The following LRRIQ1 variants were observed in gnomAD, a reference collection of about 807,000 sequenced individuals.
LRRIQ1 encodes the protein leucine-rich repeat- and IQ domain-containing protein 1.
In LRRIQ1, 210 loss-of-function variants were observed where a neutral mutation model predicts 211.9. The observed-to-expected ratio is 0.99, with a 90% CI of 0.89 to 1.11. The LOEUF is 1.11. Ranked by LOEUF, LRRIQ1 falls within the 50% of genes most tolerant of loss-of-function variation. The pLI is 0.00. For synonymous variants in LRRIQ1, 699 were observed against 650.1 expected, an observed-to-expected ratio of 1.08 and a Z score of -1.14; for missense variants, 2,136 against 1,939.5, an observed-to-expected ratio of 1.10 and a Z score of -1.90.
chr12:85,142,576 G>A (rs1889615683), intron 19 of LRRIQ1, among the ~76,000 whole-genome samples: 1 of 151,380 alleles, frequency 6.6e-6, no homozygotes, highest in South Asian at 2.1e-4. Context: ...CTCTCTAAGT[G>A]AAATTTTGTA....
chr12:85,221,300 C>G (rs1592990090), intron 24 of LRRIQ1, among the ~76,000 whole-genome samples: 1 of 152,110 alleles, frequency 6.6e-6, no homozygotes, highest in South Asian at 2.1e-4. Context: ...TCTCAGGGTA[C>G]TGAGACAACA....
Position 85,147,804 on chromosome 12 carries a change from C to A in LRRIQ1, c.4330-4476C>A, listed in dbSNP as rs972087715. 2.0e-5 allele frequency among the ~76,000 whole-genome samples: 3 copies of A among 151,132 alleles called. No homozygotes were observed. In the South Asian group the frequency reaches 6.2e-4, roughly 31 times the overall value. On this transcript the variant is annotated intron_variant, in intron 19 of 26. Coordinates refer to ENST00000393217, the MANE Select transcript of LRRIQ1 (RefSeq NM_001079910.2). ...CAAGTGAAACCTTTTGGGACCTTCT[C>A]ACCTTGTTGGTCATTGAATTCAAGT...
intron 11 of LRRIQ1, among the ~76,000 whole-genome samples, chr12:85,092,660 A>G (rs1358838946): frequency 1.3e-5 from 2 of 152,202 alleles, no homozygotes; most frequent in Non-Finnish European, 2.9e-5. Flanking sequence ...TGGCTATACA[A>G]TGAACCCATG....
chr12:85,102,959 A>AAAAATATAT (rs1458673370), intron 13 of LRRIQ1, among the ~76,000 whole-genome samples: 13 of 108,498 alleles, frequency 1.2e-4, no homozygotes, highest in African/African-American at 5.0e-4. Flanking sequence ...AAAAAAAAAA[A>AAAAATATAT]ATATATATAT....
chr12:85,122,439 T>C (rs1888053877), intron 16 of LRRIQ1, among the ~76,000 whole-genome samples: 1 of 152,106 alleles, frequency 6.6e-6, no homozygotes, highest in Non-Finnish European at 1.5e-5. Flanking sequence ...AACTTCCTAT[T>C]CCCCACCTCG....
intron 24 of LRRIQ1, among the ~76,000 whole-genome samples, chr12:85,163,455 A>T (rs548869288): frequency 8.5e-5 from 13 of 152,320 alleles, no homozygotes; most frequent in African/African-American, 3.1e-4. Context: ...ACACTGTCTT[A>T]TAATTTCCTT....
chr12:85,173,974 C>A (rs1038618643), intron 24 of LRRIQ1, among the ~76,000 whole-genome samples: 2 of 152,074 alleles, frequency 1.3e-5, no homozygotes, highest in Non-Finnish European at 2.9e-5. Flanking sequence ...TCATGTAAGT[C>A]ACCTTTAGGT....
At chr12:85,198,573 A>T (rs1323550359) in intron 24 of LRRIQ1, among the ~76,000 whole-genome samples, 22 of 147,116 alleles carry the variant, frequency 1.5e-4, no homozygotes, top group Admixed American at 1.4e-4. Flanking sequence ...CATGTTAAGC[A>T]TTTTTTTTTT....
At chr12:85,161,255 A>T (rs924844812) in intron 24 of LRRIQ1, among the ~76,000 whole-genome samples, 2 of 152,136 alleles carry the variant, frequency 1.3e-5, no homozygotes, top group African/African-American at 2.4e-5. Flanking sequence ...ATGAACTTAA[A>T]TTATTAAACA....
At chr12:85,158,508 T>C (rs1327344019) in intron 23 of LRRIQ1, among the ~76,000 whole-genome samples, 1 of 151,956 alleles carries the variant, frequency 6.6e-6, no homozygotes, top group African/African-American at 2.4e-5. Context: ...ATTAGAATTA[T>C]AGAAGTTGAA....
intron 24 of LRRIQ1, among the ~76,000 whole-genome samples, chr12:85,219,166 A>T (rs1347791571): frequency 2.0e-5 from 3 of 152,096 alleles, no homozygotes; most frequent in African/African-American, 2.4e-5. Context: ...TTCTCTGGAA[A>T]GAAACCAAAG....
chr12:85,151,082 G>A (rs892212499), intron 19 of LRRIQ1, among the ~76,000 whole-genome samples: 1 of 150,924 alleles, frequency 6.6e-6, no homozygotes, highest in African/African-American at 2.4e-5. Context: ...TCATATAACT[G>A]ACAAATAGCA....
chr12:85,087,785 G>A (rs1884980222), intron 11 of LRRIQ1, among the ~76,000 whole-genome samples: 1 of 152,086 alleles, frequency 6.6e-6, no homozygotes, highest in African/African-American at 2.4e-5. Flanking sequence ...ACTTTTTGAT[G>A]GAGTTGTTTG....
chr12:85,183,696 A>T (rs1892096858), intron 24 of LRRIQ1, among the ~76,000 whole-genome samples: 1 of 152,156 alleles, frequency 6.6e-6, no homozygotes, highest in African/African-American at 2.4e-5. Context: ...TTTAGAAGAA[A>T]CATAGCATAA....
intron 1 of LRRIQ1, among the ~76,000 whole-genome samples, chr12:85,037,950 G>A (rs931138570): frequency 2.9e-4 from 44 of 151,744 alleles, no homozygotes; most frequent in African/African-American, 9.6e-4. Flanking sequence ...GAGTATTAGC[G>A]TACAATTACA....
chr12:85,132,352 G>A (rs1232006225), intron 18 of LRRIQ1, among the ~76,000 whole-genome samples: 2 of 152,130 alleles, frequency 1.3e-5, no homozygotes, highest in African/African-American at 4.8e-5. Context: ...GGACAGGGTT[G>A]CAGAGGAAGG....
intron 11 of LRRIQ1, among the ~76,000 whole-genome samples, chr12:85,090,328 C>T (rs1474243007): frequency 6.6e-6 from 1 of 152,160 alleles, no homozygotes; most frequent in Admixed American, 6.5e-5. Flanking sequence ...TCTACTGAGG[C>T]ACTACCTAGT....
At position 85,244,994 on chromosome 12, in the gene LRRIQ1, TA is replaced by T. The variant is rs1895653913; in HGVS notation, c.*54del. On this transcript the variant is annotated 3_prime_UTR_variant, in exon 27 of 27. Coordinates refer to ENST00000393217, the MANE Select transcript of LRRIQ1 (RefSeq NM_001079910.2). Reference sequence around the variant, plus strand: ...ATGCCAACAAGCATTCTTTTTCAGATAGGGGGTAGGATGCCAGCAACCTGAA... The same window carrying T: ...ATGCCAACAAGCATTCTTTTTCAGATGGGGGTAGGATGCCAGCAACCTGAA... 5 of 1,588,740 alleles carry T rather than the reference TA, an allele frequency of 3.1e-6. No homozygotes were observed. The highest frequency in any genetic ancestry group is 2.3e-5 in the East Asian group (1 of 43,638).
Position 85,073,063 on chromosome 12 carries a change from A to ATTGTAAT in LRRIQ1, c.2855_2861dup (p.Phe954LeufsTer2). Reference sequence around the variant, plus strand: ...ATTACCTCACTTACAAAAAATTCAGATTGTAATTTCCTTATCTCCCACTTA... The same window carrying ATTGTAAT: ...ATTACCTCACTTACAAAAAATTCAGATTGTAATTTGTAATTTCCTTATCTCCCACTTA... On this transcript the variant is annotated frameshift_variant, in exon 11 of 27. Transcript: ENST00000393217. LOFTEE classifies it high-confidence loss of function. 1 of 1,608,678 alleles carries ATTGTAAT rather than the reference A, an allele frequency of 6.2e-7. No individual in the cohort carries two copies. Among genetic ancestry groups the ATTGTAAT allele is most frequent in the Non-Finnish European group, 8.5e-7 (1 of 1,177,110 alleles).
Sources: gnomAD v4.1 joint callset for allele counts (sites outside exome capture counted in the v4.1 genomes callset) on GRCh38, gnomAD v4.1.1 for gene constraint, MANE v1.5 for transcripts, NCBI Gene and HGNC (gene_info 2026-07-23, HGNC 2026-07-21) for gene names.